The following GRIK2 variants were observed in gnomAD, a reference collection of about 807,000 sequenced individuals.
GRIK2 encodes glutamate receptor ionotropic, kainate 2.
In GRIK2, 32 loss-of-function variants were observed where a neutral mutation model predicts 100.3. That is an observed-to-expected ratio of 0.32 (90% CI 0.24 to 0.43). The LOEUF (loss-of-function observed/expected upper bound fraction) is 0.43. GRIK2 is among the 20% of genes least tolerant of loss of function. The pLI is 1.00. For synonymous variants in GRIK2, 417 were observed against 389.4 expected (o/e 1.07, Z -0.83); for missense variants, 843 against 1,114.9 (o/e 0.76, Z 3.47).
intron 16 of GRIK2, among the ~76,000 whole-genome samples, chr6:102,068,026 G>A (rs1220873972): frequency 6.6e-6 from 1 of 151,796 alleles, no homozygotes; most frequent in African/African-American, 2.4e-5. Flanking sequence ...TAAAGTAGAT[G>A]TCTATGTCAT....
At chr6:102,018,699 C>T (rs901896484) in intron 14 of GRIK2, among the ~76,000 whole-genome samples, 9 of 152,058 alleles carry the variant, frequency 5.9e-5, no homozygotes, top group Non-Finnish European at 1.2e-4. Context: ...TGCCCTGTGA[C>T]ATCTCTTCTC....
chr6:101,582,797 T>C (rs1319117087), intron 2 of GRIK2, among the ~76,000 whole-genome samples: 7 of 152,158 alleles, frequency 4.6e-5, no homozygotes, highest in African/African-American at 1.7e-4. Flanking sequence ...TCACATACAA[T>C]TCCTGACAAA....
intron 2 of GRIK2, among the ~76,000 whole-genome samples, chr6:101,548,670 A>G (rs1386313907): frequency 1.3e-5 from 2 of 152,098 alleles, no homozygotes; most frequent in East Asian, 3.9e-4. Flanking sequence ...AGTTTCTTTT[A>G]TCATCATTGT....
chr6:101,423,846 A>G (rs1776545361), intron 2 of GRIK2, among the ~76,000 whole-genome samples: 1 of 152,202 alleles, frequency 6.6e-6, no homozygotes, highest in South Asian at 2.1e-4. Context: ...TGAAATCAGA[A>G]TCATGAAGAG....
chr6:101,674,437 CTAATT>C (rs2128339146), intron 4 of GRIK2, among the ~76,000 whole-genome samples: 1 of 152,274 alleles, frequency 6.6e-6, no homozygotes, highest in South Asian at 2.1e-4. Context: ...AAAATGTACT[CTAATT>C]TAGTAGCAGA....
intron 13 of GRIK2, among the ~76,000 whole-genome samples, chr6:101,927,074 T>G (rs1364513663): frequency 6.6e-6 from 1 of 151,038 alleles, no homozygotes; most frequent in African/African-American, 2.4e-5. Context: ...TACTTTTCTG[T>G]TTTTTTTTCC....
chr6:101,532,319 C>T lies in GRIK2; in HGVS notation c.116-89630C>T, dbSNP rs114181221. On this transcript the variant is annotated intron_variant, in intron 2 of 16. Coordinates refer to ENST00000369134, the MANE Select transcript of GRIK2 (RefSeq NM_021956.5). ...TTCTTATCTGAGTAACATTTTCTAA[C>T]ATCACCTGATAGGTCTGATCACTCC... Among the ~76,000 whole-genome samples the T allele has an allele frequency of 4.1e-3, 625 of 152,076 alleles. 2 individuals carry two copies. The highest frequency in any genetic ancestry group is 0.014 in the African/African-American group (578 of 41,530).
chr6:101,608,700 C>T (rs1233248576), intron 2 of GRIK2, among the ~76,000 whole-genome samples: 1 of 151,546 alleles, frequency 6.6e-6, no homozygotes. Context: ...GCTTTAAAAC[C>T]TTTGCTTGAT....
chr6:101,760,976 G>A (rs1208546561), intron 7 of GRIK2, among the ~76,000 whole-genome samples: 6 of 151,854 alleles, frequency 4.0e-5, no homozygotes, highest in Non-Finnish European at 7.4e-5. Context: ...AGAATCAAAT[G>A]TCAGCTCTTA....
At chr6:101,476,735 T>C (rs957544016) in intron 2 of GRIK2, among the ~76,000 whole-genome samples, 1 of 152,216 alleles carries the variant, frequency 6.6e-6, no homozygotes, top group Non-Finnish European at 1.5e-5. Context: ...AAAAATCATA[T>C]GTTCTGCCTC....
intron 12 of GRIK2, among the ~76,000 whole-genome samples, chr6:101,907,226 T>G (rs1212653798): frequency 1.3e-5 from 2 of 151,568 alleles, no homozygotes; most frequent in Non-Finnish European, 3.0e-5. Flanking sequence ...GAAAAACTTT[T>G]AAATAGACCA....
At chr6:102,011,303 T>G (rs1023379618) in intron 14 of GRIK2, among the ~76,000 whole-genome samples, 6 of 152,264 alleles carry the variant, frequency 3.9e-5, no homozygotes, top group African/African-American at 1.4e-4. Flanking sequence ...TATATGATGC[T>G]AAAAAATTTT....
Position 101,758,432 on chromosome 6 carries a change from A to G in GRIK2, c.952-41216A>G, listed in dbSNP as rs143301338. On this transcript the variant is annotated intron_variant, in intron 7 of 16. Coordinates refer to ENST00000369134, the MANE Select transcript of GRIK2 (RefSeq NM_021956.5). The stretch of plus-strand genomic sequence containing the variant: ...AAATATAGTTTATGTAATTCAAAGC[A>G]TATGTGGATTATTAAGTGCACATTG... Among the ~76,000 whole-genome samples the G allele has an allele frequency of 8.3e-3, 1,269 of 152,318 alleles. 8 individuals are homozygous for G. Among genetic ancestry groups the G allele is most frequent in the Middle Eastern group, 0.017 (5 of 294 alleles).
intron 10 of GRIK2, among the ~76,000 whole-genome samples, chr6:101,845,223 G>T (rs1783739893): frequency 1.3e-5 from 2 of 152,026 alleles, no homozygotes; most frequent in Non-Finnish European, 1.5e-5. Flanking sequence ...TCGCTATGTT[G>T]CCCAAGTGGG....
intron 14 of GRIK2, among the ~76,000 whole-genome samples, chr6:101,947,902 TA>T (rs1791375427): frequency 6.6e-6 from 1 of 152,184 alleles, no homozygotes; most frequent in Non-Finnish European, 1.5e-5. Context: ...ATGTTGTTTT[TA>T]TTAATAATTA....
rs188646335 is a variant in GRIK2, at chr6:101,667,894, A to T, written c.542-8729A>T. Among the ~76,000 whole-genome samples, 54 of 152,192 alleles carry T rather than the reference A, an allele frequency of 3.5e-4. No individual in the cohort carries two copies. The East Asian group carries it at 7.4e-3, about 21-fold the overall frequency. On this transcript the variant is annotated intron_variant, in intron 4 of 16. Coordinates refer to ENST00000369134, the MANE Select transcript of GRIK2 (RefSeq NM_021956.5). Reference sequence around the variant, plus strand: ...TAGACACAGAACTGGACTCAGAAAGATTCTTGGCACAGTGCTTCATTTAGC... The same window carrying T: ...TAGACACAGAACTGGACTCAGAAAGTTTCTTGGCACAGTGCTTCATTTAGC...
chr6:101,573,334 T>C (rs1413564401), intron 2 of GRIK2, among the ~76,000 whole-genome samples: 1 of 152,164 alleles, frequency 6.6e-6, no homozygotes, highest in Non-Finnish European at 1.5e-5. Flanking sequence ...CTACTGGTCA[T>C]AGATTGCTCA....
chr6:101,809,965 C>T (rs1781227727), intron 9 of GRIK2, among the ~76,000 whole-genome samples: 1 of 151,800 alleles, frequency 6.6e-6, no homozygotes, highest in Non-Finnish European at 1.5e-5. Flanking sequence ...ATCAGATTGC[C>T]TTATTTGAGG....
intron 14 of GRIK2, among the ~76,000 whole-genome samples, chr6:101,944,682 A>G (rs1791165034): frequency 6.6e-6 from 1 of 152,276 alleles, no homozygotes; most frequent in African/African-American, 2.4e-5. Context: ...ATTGAATTTC[A>G]AAAGAAAAAA....
Sources: allele counts gnomAD v4.1 joint callset (sites outside exome capture counted in the v4.1 genomes callset), GRCh38; gene constraint gnomAD v4.1.1; transcripts MANE v1.5; gene names NCBI Gene and HGNC (gene_info 2026-07-23, HGNC 2026-07-21).